IGSF10: variants seen among roughly 807,000 people sequenced by gnomAD.
IGSF10 encodes the protein calvaria mechanical force protein 608.
IGSF10 carries 126 observed loss-of-function variants against 128.2 expected under a neutral mutation model. The ratio of observed to expected loss-of-function variants is 0.98; its 90% confidence interval spans 0.85 to 1.14. The LOEUF (loss-of-function observed/expected upper bound fraction) is 1.14. Among genes scored for constraint, IGSF10 ranks in the 50% most tolerant of loss-of-function variants. The probability of loss-of-function intolerance (pLI) is 0.00; values close to 1 mark genes in which losing one functional copy is unlikely to be tolerated. For synonymous variants in IGSF10, 1,185 were observed against 1,146.2 expected (o/e 1.03, Z -0.68); for missense variants, 3,295 against 3,149.8 (o/e 1.05, Z -1.10).
At chr3:151,549,932 C>T in the IGSF10 span, among the ~76,000 whole-genome samples, 7 of 151,922 alleles carry the variant, frequency 4.6e-5, no homozygotes, top group Non-Finnish European at 1.0e-4. Flanking sequence ...AAATTAATAA[C>T]AGCCTCTGAA....
chr3:151,575,667 C>T, the IGSF10 span, among the ~76,000 whole-genome samples: 1 of 152,144 alleles, frequency 6.6e-6, no homozygotes, highest in African/African-American at 2.4e-5. Flanking sequence ...ATTCCCAGAC[C>T]CCTTGTGCTT....
the IGSF10 span, among the ~76,000 whole-genome samples, chr3:151,579,372 G>A: frequency 6.6e-6 from 1 of 152,148 alleles, no homozygotes; most frequent in Non-Finnish European, 1.5e-5. Context: ...AGACTCACAT[G>A]TGCCCAAGAC....
the IGSF10 span, among the ~76,000 whole-genome samples, chr3:151,469,889 A>G: frequency 2.0e-5 from 3 of 152,368 alleles, no homozygotes; most frequent in East Asian, 1.9e-4. Context: ...TTTACAGGCA[A>G]TAATAAAATT....
At chr3:151,507,906 T>A in the IGSF10 span, among the ~76,000 whole-genome samples, 2 of 130,872 alleles carry the variant, frequency 1.5e-5, no homozygotes. Flanking sequence ...AATAAATAAT[T>A]GACAATAAAT....
At chr3:151,545,261 G>A in the IGSF10 span, among the ~76,000 whole-genome samples, 573 of 152,188 alleles carry the variant, frequency 3.8e-3, 3 homozygotes, top group African/African-American at 0.013. Flanking sequence ...CTCCCCACTT[G>A]TAGTTAAAAG....
chr3:151,569,922 C>T, the IGSF10 span, among the ~76,000 whole-genome samples: 2 of 151,356 alleles, frequency 1.3e-5, no homozygotes, highest in Non-Finnish European at 2.9e-5. Context: ...TGTCACGTTC[C>T]CCTCCCTGTG....
the IGSF10 span, among the ~76,000 whole-genome samples, chr3:151,485,622 C>T: frequency 2.0e-5 from 3 of 152,136 alleles, no homozygotes; most frequent in Non-Finnish European, 4.4e-5. Context: ...ACCCTACAAG[C>T]CAGAAGAGAG....
At chr3:151,509,480 T>C in the IGSF10 span, among the ~76,000 whole-genome samples, 1 of 152,146 alleles carries the variant, frequency 6.6e-6, no homozygotes, top group African/African-American at 2.4e-5. Context: ...AAAGATTTTA[T>C]TAAAAGTTCT....
At chr3:151,609,010 T>C in the IGSF10 span, among the ~76,000 whole-genome samples, 1 of 152,236 alleles carries the variant, frequency 6.6e-6, no homozygotes, top group African/African-American at 2.4e-5. Context: ...TCAAGTCAGC[T>C]GAAGTTTTTA....
intron 5 of IGSF10, among the ~76,000 whole-genome samples, chr3:151,450,333 G>A (rs557185663): frequency 5.6e-4 from 86 of 152,280 alleles, no homozygotes; most frequent in Non-Finnish European, 8.8e-4. Context: ...CACTGGACAT[G>A]GCACTTAACA....
chr3:151,485,711 A>G, the IGSF10 span, among the ~76,000 whole-genome samples: 1 of 152,204 alleles, frequency 6.6e-6, no homozygotes, highest in African/African-American at 2.4e-5. Context: ...AAGCTTCATA[A>G]ACAAAGGAGA....
At chr3:151,613,821 A>T in the IGSF10 span, among the ~76,000 whole-genome samples, 1 of 152,172 alleles carries the variant, frequency 6.6e-6, no homozygotes, top group Non-Finnish European at 1.5e-5. Flanking sequence ...CAAAATTGAC[A>T]AATGGGATCT....
At chr3:151,458,824 A>C (rs1219622790) in intron 2 of IGSF10, 114 bp from the exon 3 acceptor site, 2 of 772,420 alleles carry the variant, frequency 2.6e-6, no homozygotes, top group Non-Finnish European at 4.1e-6. Context: ...TAAGTGGTCA[A>C]TTCCATTCCT....
chr3:151,497,650 G>A, the IGSF10 span, among the ~76,000 whole-genome samples: 1 of 152,178 alleles, frequency 6.6e-6, no homozygotes, highest in South Asian at 2.1e-4. Context: ...GATTGACTTG[G>A]TGATGTGGGT....
At chr3:151,466,404 G>A in the IGSF10 span, among the ~76,000 whole-genome samples, 4 of 152,064 alleles carry the variant, frequency 2.6e-5, no homozygotes, top group African/African-American at 9.7e-5. Flanking sequence ...AGATCAAATT[G>A]GATTTGATAA....
chr3:151,461,089 C>A (rs1056122943), upstream of IGSF10: 88 of 985,402 alleles, frequency 8.9e-5, no homozygotes, highest in Non-Finnish European at 1.0e-4. Flanking sequence ...GGGGGATGAG[C>A]CCGACTTCTG....
At chr3:151,616,518 A>G in the IGSF10 span, among the ~76,000 whole-genome samples, 1 of 152,204 alleles carries the variant, frequency 6.6e-6, no homozygotes, top group Non-Finnish European at 1.5e-5. Context: ...GAAAACACAC[A>G]CTTCCAAAAT....
At chr3:151,510,609 A>C in the IGSF10 span, among the ~76,000 whole-genome samples, 1 of 152,244 alleles carries the variant, frequency 6.6e-6, no homozygotes, top group Non-Finnish European at 1.5e-5. Flanking sequence ...ACAAAGCTGG[A>C]CGGAGAATGA....
the IGSF10 span, among the ~76,000 whole-genome samples, chr3:151,583,287 T>C: frequency 3.3e-5 from 5 of 152,186 alleles, no homozygotes; most frequent in Non-Finnish European, 4.4e-5. Context: ...ACCCATACAA[T>C]TGCATTTCAG....
Sources: gnomAD v4.1 joint callset for allele counts (sites outside exome capture counted in the v4.1 genomes callset) on GRCh38, gnomAD v4.1.1 for gene constraint, MANE v1.5 for transcripts, NCBI Gene and HGNC (gene_info 2026-07-23, HGNC 2026-07-21) for gene names.